DGKB: variants seen among roughly 807,000 people sequenced by gnomAD.
DGKB encodes the protein 90 kDa diacylglycerol kinase.
DGKB carries 67 observed loss-of-function variants against 114.3 expected under a neutral mutation model. The ratio of observed to expected loss-of-function variants is 0.59; its 90% CI spans 0.48 to 0.72. The LOEUF is 0.72. Ranked by LOEUF, DGKB falls within the 30% of genes least tolerant of loss-of-function variation. DGKB has a pLI of 0.00. For synonymous variants in DGKB, 398 were observed against 323.1 expected (o/e 1.23, Z -2.49); for missense variants, 907 against 975.2 (o/e 0.93, Z 0.93).
rs911611239 is a variant in DGKB, at chr7:14,909,135, A to G, written c.-188+65561T>C. ...CTTATGCTTTTAGCGATGGCTTTCT[A>G]TTGTACATTTCCTGCATCCAACTTG... On this transcript the variant is annotated intron_variant, in intron 1 of 4. Transcript: ENST00000437998. Among the ~76,000 whole-genome samples, 21 of 152,182 alleles carry G rather than the reference A, an allele frequency of 1.4e-4. 1 individual carries two copies. Among genetic ancestry groups the G allele is most frequent in the African/African-American group, 2.4e-5 (1 of 41,446 alleles).
rs571323516 is a variant in DGKB at position 14,451,104 on chromosome 7, T to C, written c.1835+27057A>G. 5.9e-5 allele frequency among the ~76,000 whole-genome samples: 9 copies of C among 152,070 alleles called. No individual in the cohort carries two copies. The South Asian group carries it at 1.5e-3, about 25-fold the overall frequency. On this transcript the variant is annotated intron_variant, in intron 21 of 25. Coordinates refer to ENST00000402815, the MANE Select transcript of DGKB (RefSeq NM_001350709.2). ...ATCTGGGAGACAGAATCTTCCCCTA[T>C]TGTGACTATTAATATTATATGTCAA...
intron 2 of DGKB, among the ~76,000 whole-genome samples, chr7:14,797,312 C>G (rs1352276521): frequency 6.6e-6 from 1 of 152,102 alleles, no homozygotes; most frequent in Non-Finnish European, 1.5e-5. Flanking sequence ...CCCCAATGCA[C>G]TTCCAAAATA....
chr7:14,443,475 T>G (rs563012071), intron 21 of DGKB, among the ~76,000 whole-genome samples: 1 of 152,280 alleles, frequency 6.6e-6, no homozygotes, highest in South Asian at 2.1e-4. Context: ...TAGAAACATA[T>G]TTTCATTTCC....
At chr7:14,673,209 T>A (rs1054541145) in intron 12 of DGKB, among the ~76,000 whole-genome samples, 182 bp from the exon 13 acceptor site, 1 of 152,058 alleles carries the variant, frequency 6.6e-6, no homozygotes, top group African/African-American at 2.4e-5. Flanking sequence ...GAACCCTAAA[T>A]AAACCATCTA....
At chr7:14,553,956 T>A (rs1795497845) in intron 20 of DGKB, among the ~76,000 whole-genome samples, 1 of 132,196 alleles carries the variant, frequency 7.6e-6, no homozygotes, top group Non-Finnish European at 1.6e-5. Flanking sequence ...CACTGCAAGC[T>A]CCGCCTCCCG....
Position 14,159,877 on chromosome 7 carries a change from G to A in DGKB, c.2305-10639C>T, listed in dbSNP as rs1783600120. Among the ~76,000 whole-genome samples the A allele has an allele frequency of 1.3e-5, 2 of 152,118 alleles. 1 individual carries two copies. Among genetic ancestry groups the A allele is most frequent in the Middle Eastern group, 6.8e-3 (2 of 294 alleles). On this transcript the variant is annotated intron_variant, in intron 25 of 25. Transcript: ENST00000402815. ...TAGTAGAGATGGGGTTTCACATGTT[G>A]GCCAGGCCATTCTCAAACTCCTGAT...
intron 23 of DGKB, among the ~76,000 whole-genome samples, chr7:14,238,232 A>G (rs963234499): frequency 4.6e-5 from 7 of 151,820 alleles, no homozygotes; most frequent in African/African-American, 1.5e-4. Context: ...CACGGGGAGG[A>G]TTTCCCCCAT....
chr7:14,808,816 G>A (rs1428491431), intron 2 of DGKB, among the ~76,000 whole-genome samples: 1 of 152,078 alleles, frequency 6.6e-6, no homozygotes, highest in Non-Finnish European at 1.5e-5. Flanking sequence ...TCTTAGATCT[G>A]TAATCAGCTG....
At chr7:14,367,325 G>A (rs1415686607) in intron 21 of DGKB, among the ~76,000 whole-genome samples, 7 of 152,034 alleles carry the variant, frequency 4.6e-5, no homozygotes, top group Admixed American at 2.0e-4. Flanking sequence ...TCCAGTGACA[G>A]GCAATTGAAT....
At chr7:14,449,686 T>C (rs1326891101) in intron 21 of DGKB, among the ~76,000 whole-genome samples, 2 of 152,106 alleles carry the variant, frequency 1.3e-5, no homozygotes, top group Non-Finnish European at 2.9e-5. Context: ...GACAAGATAA[T>C]TTCTAAATAT....
chr7:14,464,113 T>C (rs1247237137), intron 21 of DGKB, among the ~76,000 whole-genome samples: 1 of 152,060 alleles, frequency 6.6e-6, no homozygotes, highest in Non-Finnish European at 1.5e-5. Context: ...TTTCTGTATG[T>C]CATATGATAC....
At chr7:14,362,039 G>T (rs1039958694) in intron 21 of DGKB, among the ~76,000 whole-genome samples, 1 of 151,878 alleles carries the variant, frequency 6.6e-6, no homozygotes, top group African/African-American at 2.4e-5. Flanking sequence ...GATATTTACG[G>T]TCACTCATTT....
intron 21 of DGKB, among the ~76,000 whole-genome samples, chr7:14,440,254 C>T (rs1829893032): frequency 1.3e-5 from 2 of 152,098 alleles, no homozygotes; most frequent in Non-Finnish European, 2.9e-5. Context: ...GTTCTGACTG[C>T]CCTCAGCATT....
upstream of DGKB, among the ~76,000 whole-genome samples, chr7:14,906,221 A>T (rs190197337): frequency 9.9e-3 from 1,510 of 152,014 alleles, 38 homozygotes; most frequent in African/African-American, 0.035. Flanking sequence ...GCCTTAAAAA[A>T]AAAACAAAAA....
intron 2 of DGKB, among the ~76,000 whole-genome samples, chr7:14,762,265 A>C (rs1425685741): frequency 6.6e-6 from 1 of 152,038 alleles, no homozygotes; most frequent in Non-Finnish European, 1.5e-5. Context: ...AGATGAGTTG[A>C]CTTTCTCCTA....
intron 4 of DGKB, among the ~76,000 whole-genome samples, chr7:14,749,266 G>A (rs1163307926): frequency 1.3e-5 from 2 of 152,108 alleles, no homozygotes; most frequent in African/African-American, 4.8e-5. Flanking sequence ...ATTTCAGAGA[G>A]TTCCTTGATA....
At chr7:14,393,344 C>T (rs1336537004) in intron 21 of DGKB, among the ~76,000 whole-genome samples, 1 of 152,060 alleles carries the variant, frequency 6.6e-6, no homozygotes, top group Non-Finnish European at 1.5e-5. Flanking sequence ...TGACAACGAA[C>T]ACCAATTTTG....
chr7:14,516,985 C>A (rs985516243), intron 20 of DGKB, among the ~76,000 whole-genome samples: 1 of 151,940 alleles, frequency 6.6e-6, no homozygotes, highest in Non-Finnish European at 1.5e-5. Flanking sequence ...CAAAAAAGAA[C>A]CTTAATAGTC....
chr7:14,684,409 G>C (rs971237430), intron 10 of DGKB, among the ~76,000 whole-genome samples: 2 of 152,126 alleles, frequency 1.3e-5, no homozygotes, highest in Non-Finnish European at 2.9e-5. Flanking sequence ...AAGCTGAAAA[G>C]GTTGGGGAGA....
Sources: allele counts gnomAD v4.1 joint callset (sites outside exome capture counted in the v4.1 genomes callset), GRCh38; gene constraint gnomAD v4.1.1; transcripts MANE v1.5; gene names NCBI Gene and HGNC (gene_info 2026-07-23, HGNC 2026-07-21).